Variants in RORC observed in about 807,000 individuals in gnomAD.
RORC encodes nuclear receptor ROR-gamma.
RORC carries 13 observed loss-of-function variants against 64.5 expected under a neutral mutation model. The ratio of observed to expected loss-of-function variants is 0.20; its 90% CI spans 0.13 to 0.32. The LOEUF (loss-of-function observed/expected upper bound fraction) is 0.32. Among genes scored for constraint, RORC ranks in the 10% least tolerant of loss-of-function variants. The pLI, the probability that RORC is intolerant of heterozygous loss-of-function variation, is 1.00. For synonymous variants in RORC, 277 were observed against 259.3 expected (o/e 1.07, Z -0.65); for missense variants, 468 against 669.5 (o/e 0.70, Z 3.32).
chr1:151,821,921 C>G (rs1652006585), intron 2 of RORC, among the ~76,000 whole-genome samples: 1 of 152,148 alleles, frequency 6.6e-6, no homozygotes, highest in Non-Finnish European at 1.5e-5. Flanking sequence ...AGGTCCCAGC[C>G]TCCTCCTGCC....
At chr1:151,829,599 A>C in intron 1 of RORC, 141 bp from the exon 2 acceptor site, 1 of 696,160 alleles carries the variant, frequency 1.4e-6, no homozygotes, top group Non-Finnish European at 2.3e-6. Context: ...CACCCCCTGC[A>C]GTGCCCCTCT....
At chr1:151,813,089 G>C in intron 8 of RORC, 32 bp from the exon 9 acceptor site, 1 of 1,552,640 alleles carries the variant, frequency 6.4e-7, no homozygotes, top group Non-Finnish European at 8.9e-7. Context: ...AAGTGAGAGA[G>C]TGGCTGGAGC....
At chr1:151,831,001 A>G (rs561922241) in intron 1 of RORC, 1 of 1,289,244 alleles carries the variant, frequency 7.8e-7, no homozygotes, top group Non-Finnish European at 1.0e-6. Flanking sequence ...TTCCTCCTCC[A>G]TGCTCACAGC....
At chr1:151,813,100 G>T in intron 8 of RORC, 43 bp from the exon 9 acceptor site, 1 of 1,515,546 alleles carries the variant, frequency 6.6e-7, no homozygotes, top group Non-Finnish European at 9.2e-7. Context: ...TGGCTGGAGC[G>T]ATGGTGCCCG....
Position 151,807,358 on chromosome 1 carries a change from C to G in RORC, c.*114G>C. On this transcript the variant is annotated 3_prime_UTR_variant, in exon 11 of 11. Transcript: ENST00000318247. This position sits in a 1 kb window ranked among gnomAD's most constrained non-coding sequence, Gnocchi z 5.0. Reference sequence around the variant, plus strand: ...GCAGCATCTGCTCACTTCCAAAGAGCTGGTGGGGACCACCCTCCAGGGTTC... The same window carrying G: ...GCAGCATCTGCTCACTTCCAAAGAGGTGGTGGGGACCACCCTCCAGGGTTC... 2 of 1,074,404 alleles carry G rather than the reference C, an allele frequency of 1.9e-6. No individual in the cohort carries two copies. The highest frequency in any genetic ancestry group is 3.0e-4 in the Middle Eastern group (1 of 3,302). The allele number at this position is 1,074,404 out of a possible 1,614,324, so 66.6% of individuals were successfully genotyped here. A position where few individuals can be genotyped will look rare whatever the true frequency, so the allele number is the denominator to read the frequency against.
chr1:151,809,376 A>G (rs116407415), intron 10 of RORC, among the ~76,000 whole-genome samples: 4,136 of 152,280 alleles, frequency 0.027, 196 homozygotes, highest in African/African-American at 0.095. Flanking sequence ...CCTGGGCGAC[A>G]GAGCAAGTCT....
At chr1:151,829,618 C>T (rs916703475) in intron 1 of RORC, among the ~76,000 whole-genome samples, 160 bp from the exon 2 acceptor site, 2 of 152,232 alleles carry the variant, frequency 1.3e-5, no homozygotes, top group African/African-American at 2.4e-5. Flanking sequence ...CTCTCCTCCT[C>T]TGCCCTTGGG....
chr1:151,814,748 C>T (rs1651683883), intron 5 of RORC, 53 bp from the exon 6 acceptor site: 1 of 1,579,908 alleles, frequency 6.3e-7, no homozygotes, highest in East Asian at 2.3e-5. Flanking sequence ...CCTACGCCTA[C>T]CCATGCAAGG....
In RORC at chr1:151,813,480, C is replaced by T; in HGVS notation, c.1066+8G>A. 6.2e-7 allele frequency: 1 copy of T among 1,614,162 alleles called. No individual in the cohort carries two copies. The highest frequency in any genetic ancestry group is 8.5e-7 in the Non-Finnish European group (1 of 1,179,994). On this transcript the variant is annotated splice_region_variant and intron_variant, in intron 7 of 10. Coordinates refer to ENST00000318247, the MANE Select transcript of RORC (RefSeq NM_005060.4). Reference sequence around the variant, plus strand: ...TGTCCCCAGGCCTGCCCACCCATCCCTGGGCACCTGCTTTGAGAAGCACAA... The same window carrying T: ...TGTCCCCAGGCCTGCCCACCCATCCTTGGGCACCTGCTTTGAGAAGCACAA...
In RORC at chr1:151,815,275, G is replaced by T; in HGVS notation, c.449C>A (p.Thr150Asn). Reference protein sequence around the residue: ...GAQGADTLTYTLGLPDGQLPL... With the variant: ...GAQGADTLTYNLGLPDGQLPL... ...CAGCTGCCCGTCTGGGAGCCCCAAG[G>T]TGTAGGTGAGGGTATCTGCTCCTTG... Residue 150 changes from threonine to asparagine, a missense_variant, in exon 5 of 11, where the codon ACC becomes AAC. By Grantham distance (65) the Thr-to-Asn change is moderately conservative (BLOSUM62 0). Coordinates refer to ENST00000318247, the MANE Select transcript of RORC (RefSeq NM_005060.4). The T allele has an allele frequency of 6.2e-7, 1 of 1,610,798 alleles. No individual in the cohort carries two copies. The highest frequency in any genetic ancestry group is 8.5e-7 in the Non-Finnish European group (1 of 1,177,766).
In RORC at chr1:151,807,550, C is replaced by G; in HGVS notation, c.1479G>C (p.Val493=). The change falls in exon 11 of 11, where the codon GTG becomes GTC. Residue 493 remains valine (V), a synonymous_variant. Transcript: ENST00000318247. The surrounding 1 kb of genome is among the most constrained non-coding windows in gnomAD (Gnocchi z 5.0). Reference sequence around the variant, plus strand: ...AGAGTGGAGGGAAAGCGGCTTGGACCACGATGGGGTGGAGGTGCTGGAAGA... The same window carrying G: ...AGAGTGGAGGGAAAGCGGCTTGGACGACGATGGGGTGGAGGTGCTGGAAGA... ...LQIFQHLHPI[V]VQAAFPPLYK... is the part of the protein sequence containing the mutation. 1 of 1,613,752 alleles carries G rather than the reference C, an allele frequency of 6.2e-7. No individual in the cohort carries two copies. The highest frequency in any genetic ancestry group is 8.5e-7 in the Non-Finnish European group (1 of 1,179,884).
intron 2 of RORC, among the ~76,000 whole-genome samples, chr1:151,819,017 T>G (rs970546561): frequency 6.6e-6 from 1 of 152,074 alleles, no homozygotes; most frequent in African/African-American, 2.4e-5. Flanking sequence ...AGCACTCAAT[T>G]CCTCACCCAA....
intron 2 of RORC, among the ~76,000 whole-genome samples, chr1:151,825,664 G>A (rs1652167220): frequency 6.6e-6 from 1 of 152,134 alleles, no homozygotes; most frequent in East Asian, 1.9e-4. Context: ...AAAATTAAGG[G>A]CCTGGATACC....
At chr1:151,814,731 G>A in intron 5 of RORC, 36 bp from the exon 6 acceptor site, 1 of 1,592,302 alleles carries the variant, frequency 6.3e-7, no homozygotes, top group Non-Finnish European at 8.6e-7. Context: ...CTTGATCTCA[G>A]CCAGCTCCTA....
chr1:151,830,245 C>T lies in RORC; in HGVS notation c.41-787G>A, dbSNP rs143817141. ...TCCCTTCTCTGCTGCTGCTGCGTGGCCGGGTCTGGGTGGAGATTGGGCAGT... is the reference window on the plus strand; with the variant it reads ...TCCCTTCTCTGCTGCTGCTGCGTGGTCGGGTCTGGGTGGAGATTGGGCAGT... On this transcript the variant is annotated intron_variant, in intron 1 of 10. Coordinates refer to ENST00000318247, the MANE Select transcript of RORC (RefSeq NM_005060.4). The surrounding 1 kb of genome is among the most constrained non-coding windows in gnomAD (Gnocchi z 4.0). Among the ~76,000 whole-genome samples the T allele has an allele frequency of 1.3e-5, 2 of 152,058 alleles. No individual in the cohort carries two copies. Among genetic ancestry groups the T allele is most frequent in the East Asian group, 3.9e-4 (2 of 5,160 alleles).
Position 151,806,583 on chromosome 1 carries a change from C to T in RORC, c.*889G>A, listed in dbSNP as rs1171865748. 6.6e-6 allele frequency: 1 copy of T among 152,166 alleles called. No homozygotes were observed. The highest frequency in any genetic ancestry group is 2.4e-5 in the African/African-American group (1 of 41,414). The allele number at this position is 152,166 out of a possible 1,614,324, so 9.4% of individuals were successfully genotyped here. ...GGGTCCCTCAGGATTGGGACTTTCC[C>T]CTGAGGCCTCTAGGCTCCTCCAAGC... On this transcript the variant is annotated 3_prime_UTR_variant, in exon 11 of 11. Transcript: ENST00000318247.
chr1:151,816,686 C>T lies in RORC; in HGVS notation c.276G>A (p.Leu92=). 6.2e-7 allele frequency: 1 copy of T among 1,606,526 alleles called. No individual in the cohort carries two copies. The highest frequency in any genetic ancestry group is 8.5e-7 in the Non-Finnish European group (1 of 1,176,766). Residue 92 remains leucine (L), a synonymous_variant, in exon 4 of 11, where the codon CTG becomes CTA. Coordinates refer to ENST00000318247, the MANE Select transcript of RORC (RefSeq NM_005060.4). ...RCQHCRLQKC[L]ALGMSRDAVK... is the part of the protein sequence containing the mutation. ...CACCATCTCGGGACATGCCCAGCGC[C>T]AGGCATTTCTGCAGGCGGCAGTGCT...
At chr1:151,809,021 A>G (rs1651416882) in intron 10 of RORC, among the ~76,000 whole-genome samples, 1 of 152,212 alleles carries the variant, frequency 6.6e-6, no homozygotes, top group Non-Finnish European at 1.5e-5. Context: ...AAAAGAAGGC[A>G]GGGATCATGT....
chr1:151,816,302 G>C (rs1292665185), intron 4 of RORC, among the ~76,000 whole-genome samples: 1 of 152,224 alleles, frequency 6.6e-6, no homozygotes, highest in African/African-American at 2.4e-5. Flanking sequence ...TAGAAAAGGA[G>C]ATAGAGCTAG....
Sources: allele counts gnomAD v4.1 joint callset (sites outside exome capture counted in the v4.1 genomes callset), GRCh38; gene constraint gnomAD v4.1.1; non-coding constraint Gnocchi (gnomAD v3.1); transcripts MANE v1.5; gene names NCBI Gene and HGNC (gene_info 2026-07-23, HGNC 2026-07-21).